OSBPL9: variants seen among roughly 807,000 people sequenced by gnomAD.
OSBPL9 encodes the protein oxysterol-binding protein-related protein 9.
A neutral mutation model predicts 106.6 loss-of-function variants in OSBPL9; 40 were observed. The observed-to-expected ratio is 0.38, with a 90% confidence interval of 0.29 to 0.49. OSBPL9 has a LOEUF of 0.49. OSBPL9 is among the 20% of genes least tolerant of loss of function. The pLI is 0.97. For missense variants in OSBPL9, 609 were observed against 887.2 expected (o/e 0.69, Z 3.98); for synonymous variants, 269 against 295.4 (o/e 0.91, Z 0.92).
At chr1:51,644,126 G>A (rs1005116053) in intron 1 of OSBPL9, among the ~76,000 whole-genome samples, 1 of 150,356 alleles carries the variant, frequency 6.7e-6, no homozygotes, top group Non-Finnish European at 1.5e-5. Context: ...ACAATATTGG[G>A]ATGTATTGTA....
At chr1:51,683,107 C>A (rs1421731563) in intron 3 of OSBPL9, among the ~76,000 whole-genome samples, 1 of 152,002 alleles carries the variant, frequency 6.6e-6, no homozygotes, top group African/African-American at 2.4e-5. Flanking sequence ...GAACTCCTGA[C>A]CTCATGATCC....
At chr1:51,718,115 T>C (rs185927513) in intron 4 of OSBPL9, among the ~76,000 whole-genome samples, 1 of 152,166 alleles carries the variant, frequency 6.6e-6, no homozygotes, top group South Asian at 2.1e-4. Flanking sequence ...AGGCACAAAC[T>C]TCACATGTTC....
At chr1:51,573,497 A>C (rs1188256239), upstream of OSBPL9, among the ~76,000 whole-genome samples, 11 of 136,030 alleles carry the variant, frequency 8.1e-5, no homozygotes, top group Non-Finnish European at 3.2e-5. Flanking sequence ...AACAAGCATG[A>C]AACTCCATCT....
chr1:51,604,927 C>G (rs1557582181), intron 2 of OSBPL9, among the ~76,000 whole-genome samples: 1 of 152,168 alleles, frequency 6.6e-6, no homozygotes, highest in Non-Finnish European at 1.5e-5. Flanking sequence ...GCTGGGATTA[C>G]AGGCGTGAGC....
At chr1:51,633,171 C>A (rs966491843) in intron 1 of OSBPL9, among the ~76,000 whole-genome samples, 11 of 151,876 alleles carry the variant, frequency 7.2e-5, no homozygotes, top group African/African-American at 2.7e-4. Flanking sequence ...GTTGGCCAGG[C>A]TGGTCTTGAA....
intron 3 of OSBPL9, among the ~76,000 whole-genome samples, chr1:51,711,330 A>AG (rs1031896889): frequency 7.4e-6 from 1 of 134,650 alleles, no homozygotes; most frequent in Non-Finnish European, 1.6e-5. Context: ...CTGGCCGGGC[A>AG]GGGGGCTGAC....
intron 15 of OSBPL9, among the ~76,000 whole-genome samples, chr1:51,780,556 G>A (rs1328469501): frequency 1.3e-5 from 2 of 152,198 alleles, no homozygotes; most frequent in African/African-American, 4.8e-5. Flanking sequence ...CGAAATAATG[G>A]CATTCACAGC....
intron 8 of OSBPL9, among the ~76,000 whole-genome samples, chr1:51,751,325 A>T (rs1669187492): frequency 6.6e-6 from 1 of 152,026 alleles, no homozygotes; most frequent in African/African-American, 2.4e-5. Flanking sequence ...GGCCTCCCAA[A>T]GTGCTGGGAT....
chr1:51,553,550 A>C, the OSBPL9 span, among the ~76,000 whole-genome samples: 1 of 152,006 alleles, frequency 6.6e-6, no homozygotes, highest in Non-Finnish European at 1.5e-5. Context: ...AAACAAAAAA[A>C]AAGAAAATGA....
chr1:51,713,312 G>T (rs1398721624), intron 3 of OSBPL9, among the ~76,000 whole-genome samples: 3 of 151,900 alleles, frequency 2.0e-5, no homozygotes, highest in Non-Finnish European at 2.9e-5. Flanking sequence ...ACCATGCCTG[G>T]CTAATTTTTG....
At chr1:51,749,697 T>C (rs1668815656) in intron 7 of OSBPL9, 1 of 195,050 alleles carries the variant, frequency 5.1e-6, no homozygotes. Context: ...TCTTTCTGTT[T>C]GAAGTGTTGA....
chr1:51,557,897 A>C, the OSBPL9 span, among the ~76,000 whole-genome samples: 2 of 152,250 alleles, frequency 1.3e-5, no homozygotes, highest in African/African-American at 4.8e-5. Context: ...CAGTGAAAGA[A>C]ATCTGACCTA....
chr1:51,583,549 A>C (rs1645232461), intron 1 of OSBPL9: 1 of 152,234 alleles, frequency 6.6e-6, no homozygotes. Flanking sequence ...TGGTGTCCAG[A>C]GAGATCCGTG....
At chr1:51,567,806 C>G in the OSBPL9 span, 1 of 152,156 alleles carries the variant, frequency 6.6e-6, no homozygotes, top group African/African-American at 2.4e-5. Flanking sequence ...GAGGGATGAC[C>G]TGTACTTTGT....
At chr1:51,751,699 G>T (rs78665592) in intron 8 of OSBPL9, among the ~76,000 whole-genome samples, 1 of 152,188 alleles carries the variant, frequency 6.6e-6, no homozygotes, top group African/African-American at 2.4e-5. Context: ...GAAGATTGGG[G>T]AAGCAGAGGA....
chr1:51,761,826 G>A, intron 10 of OSBPL9, 41 bp from the exon 11 acceptor site: 1 of 1,423,288 alleles, frequency 7.0e-7, no homozygotes, highest in Non-Finnish European at 9.9e-7. Flanking sequence ...ATGTGTGTTT[G>A]GCTGTTTCTG....
chr1:51,764,617 T>C (rs1672195644), intron 11 of OSBPL9, among the ~76,000 whole-genome samples: 1 of 151,722 alleles, frequency 6.6e-6, no homozygotes, highest in South Asian at 2.1e-4. Context: ...GGTCTCACTC[T>C]GTTTACCCAG....
chr1:51,682,671 C>G (rs1392361271), intron 3 of OSBPL9, among the ~76,000 whole-genome samples: 3 of 151,530 alleles, frequency 2.0e-5, no homozygotes, highest in Non-Finnish European at 4.4e-5. Context: ...GGCAGGAGAT[C>G]GCTCGAACCC....
intron 4 of OSBPL9, among the ~76,000 whole-genome samples, chr1:51,723,040 T>C (rs1557741230): frequency 1.3e-5 from 2 of 152,256 alleles, no homozygotes; most frequent in African/African-American, 4.8e-5. Context: ...TTGAGCAGAA[T>C]GTACAGAGAT....
Sources: gnomAD v4.1 joint callset for allele counts (sites outside exome capture counted in the v4.1 genomes callset) on GRCh38, gnomAD v4.1.1 for gene constraint, MANE v1.5 for transcripts, NCBI Gene and HGNC (gene_info 2026-07-23, HGNC 2026-07-21) for gene names.